Variants in PAN3 observed in about 807,000 individuals in gnomAD.
The protein encoded by PAN3 is poly(A) specific ribonuclease subunit PAN3, also known as PAN2-PAN3 deadenylation complex subunit PAN3.
A neutral mutation model predicts 96.2 loss-of-function variants in PAN3; 19 were observed. That is an observed-to-expected ratio of 0.20 (90% CI 0.14 to 0.29). The LOEUF is 0.29. Ranked by LOEUF, PAN3 falls within the 10% of genes least tolerant of loss-of-function variation. The pLI is 1.00. For synonymous variants in PAN3, 433 were observed against 406.6 expected, an observed-to-expected ratio of 1.06 and a Z score of -0.78; for missense variants, 882 against 1,108.1, an observed-to-expected ratio of 0.80 and a Z score of 2.90.
chr13:28,267,453 G>A (rs763646693), intron 12 of PAN3, 52 bp downstream of exon 12: 1 of 1,400,636 alleles, frequency 7.1e-7, no homozygotes, highest in Non-Finnish European at 1.0e-6. Context: ...TTTGCTCTGT[G>A]GAAGAGTAGT....
intron 6 of PAN3, among the ~76,000 whole-genome samples, chr13:28,246,079 A>G (rs1884154891): frequency 6.6e-6 from 1 of 152,134 alleles, no homozygotes; most frequent in African/African-American, 2.4e-5. Context: ...ATAGCAATTG[A>G]TTATAGCCAT....
intron 4 of PAN3, among the ~76,000 whole-genome samples, chr13:28,182,812 G>A (rs1875967328): frequency 6.6e-6 from 1 of 152,090 alleles, no homozygotes; most frequent in African/African-American, 2.4e-5. Context: ...TCTCCCTTTT[G>A]CACTGTTGTT....
intron 1 of PAN3, among the ~76,000 whole-genome samples, chr13:28,148,428 A>G (rs1488980020): frequency 3.9e-5 from 6 of 152,180 alleles, no homozygotes; most frequent in Non-Finnish European, 8.8e-5. Context: ...GACTACAGGC[A>G]TGTACCACCA....
rs996901573 is a variant in PAN3 at position 28,294,391 on chromosome 13, CAT to C, written c.*1872_*1873del. 1 of 152,444 alleles carries C rather than the reference CAT, an allele frequency of 6.6e-6. No individual in the cohort carries two copies. The highest frequency in any genetic ancestry group is 1.5e-5 in the Non-Finnish European group (1 of 67,990). The allele number at this position is 152,444 out of a possible 1,614,324, so 9.4% of individuals were successfully genotyped here. A position where few individuals can be genotyped will look rare whatever the true frequency, so the allele number is the denominator to read the frequency against. ...TCTTTTTATATGTTTTTTGACAAAT[CAT>C]ATTGTATTCTTTTGTACAAAAAAGA... On this transcript the variant is annotated 3_prime_UTR_variant, in exon 19 of 19. Coordinates refer to ENST00000380958, the MANE Select transcript of PAN3 (RefSeq NM_175854.8).
chr13:28,227,654 G>A (rs1355127629), intron 6 of PAN3, among the ~76,000 whole-genome samples: 2 of 152,170 alleles, frequency 1.3e-5, no homozygotes, highest in Non-Finnish European at 2.9e-5. Flanking sequence ...AAAATTCTGT[G>A]TTTTTGAGAC....
At chr13:28,204,438 T>C (rs1879110866) in intron 5 of PAN3, among the ~76,000 whole-genome samples, 1 of 152,242 alleles carries the variant, frequency 6.6e-6, no homozygotes, top group Admixed American at 6.5e-5. Flanking sequence ...ACATAATAGA[T>C]ATTAAATAAA....
rs572710328 is a variant in PAN3, at chr13:28,149,708, T to G, written c.430+10621T>G. Reference sequence around the variant, plus strand: ...CTCACTGCATGCACCCTTGAACTCCTGGGCTCAAGTTACCCTCTTGCCTCA... The same window carrying G: ...CTCACTGCATGCACCCTTGAACTCCGGGGCTCAAGTTACCCTCTTGCCTCA... On this transcript the variant is annotated intron_variant, in intron 1 of 18. Transcript: ENST00000380958. 2.6e-5 allele frequency among the ~76,000 whole-genome samples: 4 copies of G among 152,318 alleles called. No homozygotes were observed. The East Asian group carries it at 7.7e-4, about 29-fold the overall frequency.
intron 18 of PAN3, among the ~76,000 whole-genome samples, chr13:28,291,140 T>C (rs1869697538): frequency 6.6e-6 from 1 of 152,148 alleles, no homozygotes; most frequent in South Asian, 2.1e-4. Context: ...TTATACAAAA[T>C]TAAGATTTTA....
Position 28,139,086 on chromosome 13 carries a change from A to G in PAN3, c.429A>G (p.Ala143=). The part of the protein sequence containing the change: ...SSGGLDGPRL[A]IPGMDGGALT... ...GGGGACTCGATGGACCGCGGCTGGC[A>G]AGTGAGTGTTTTTCGGGCGGGGCGG... The change falls in exon 1 of 19, where the codon GCA becomes GCG. Residue 143 remains alanine, a splice_region_variant and synonymous_variant. Transcript: ENST00000380958. The G allele has an allele frequency of 7.9e-7, 1 of 1,265,290 alleles. No homozygotes were observed. The highest frequency in any genetic ancestry group is 2.7e-5 in the South Asian group (1 of 36,642). 78.4% of individuals were successfully genotyped at this position (1,265,290 alleles called of 1,614,324 possible). A position where few individuals can be genotyped will look rare whatever the true frequency, so the allele number is the denominator to read the frequency against.
At chr13:28,169,222 CTTTTTTTT>C (rs202200725) in intron 1 of PAN3, among the ~76,000 whole-genome samples, 1 of 74,990 alleles carries the variant, frequency 1.3e-5, no homozygotes, top group Non-Finnish European at 2.4e-5. Flanking sequence ...TTTTTGTTTG[CTTTTTTTT>C]TTTTTTTTTT....
chr13:28,167,474 T>TTAAAGGGCCCAATACCCTTTA (rs1362193978), intron 1 of PAN3, among the ~76,000 whole-genome samples: 2 of 152,068 alleles, frequency 1.3e-5, no homozygotes, highest in African/African-American at 4.8e-5. Context: ...TACCCATTTT[T>TTAAAGGGCCCAATACCCTTTA]AATCTTTACA....
intron 4 of PAN3, among the ~76,000 whole-genome samples, chr13:28,179,909 A>T (rs1429891745): frequency 2.6e-5 from 4 of 152,112 alleles, no homozygotes; most frequent in African/African-American, 9.7e-5. Context: ...GAGAATATAT[A>T]GTACCTATTC....
chr13:28,275,157 T>C (rs1404304035), intron 14 of PAN3, among the ~76,000 whole-genome samples: 1 of 152,162 alleles, frequency 6.6e-6, no homozygotes, highest in Non-Finnish European at 1.5e-5. Context: ...GGTTTTACGG[T>C]GTGAAACTCT....
chr13:28,138,359 A>C, upstream of PAN3: 1 of 178,922 alleles, frequency 5.6e-6, no homozygotes, highest in Non-Finnish European at 1.2e-5. Flanking sequence ...GCGCCCTCGA[A>C]GTCCCCGTCT....
In PAN3 at chr13:28,273,859, T is replaced by C. The variant is rs140717016; in HGVS notation, c.2049+1788T>C. 4.4e-3 allele frequency among the ~76,000 whole-genome samples: 668 copies of C among 152,296 alleles called. 9 individuals are homozygous for C. Among genetic ancestry groups the C allele is most frequent in the African/African-American group, 0.015 (635 of 41,558 alleles). ...ATTCTTCTCTTTTCAACTTATTTTG[T>C]TTAAAGTTTTGGAAGAAGATTTTAG... On this transcript the variant is annotated intron_variant, in intron 14 of 18. Coordinates refer to ENST00000380958, the MANE Select transcript of PAN3 (RefSeq NM_175854.8).
intron 4 of PAN3, among the ~76,000 whole-genome samples, chr13:28,188,056 A>G (rs989654967): frequency 6.6e-6 from 1 of 152,244 alleles, no homozygotes; most frequent in Non-Finnish European, 1.5e-5. Context: ...ACATCTTTAC[A>G]AACTTGAAAA....
chr13:28,184,093 T>A (rs893919035), intron 4 of PAN3, among the ~76,000 whole-genome samples: 2 of 152,254 alleles, frequency 1.3e-5, no homozygotes, highest in South Asian at 4.1e-4. Flanking sequence ...TATTAATTTT[T>A]TGCCTTCTTC....
At chr13:28,246,724 A>G (rs762378480) in intron 6 of PAN3, among the ~76,000 whole-genome samples, 58 of 152,172 alleles carry the variant, frequency 3.8e-4, no homozygotes, top group Non-Finnish European at 1.9e-4. Flanking sequence ...AATGACCTTC[A>G]GTACCATCTT....
intron 5 of PAN3, among the ~76,000 whole-genome samples, chr13:28,206,095 C>T (rs1049761782): frequency 8.6e-5 from 13 of 151,880 alleles, no homozygotes; most frequent in African/African-American, 3.1e-4. Context: ...ATGTTTAAAT[C>T]TTTTCTGATA....
Sources: allele counts gnomAD v4.1 joint callset (sites outside exome capture counted in the v4.1 genomes callset), GRCh38; gene constraint gnomAD v4.1.1; transcripts MANE v1.5; gene names NCBI Gene and HGNC (gene_info 2026-07-23, HGNC 2026-07-21).